The following SFI1 variants were observed in gnomAD, a reference collection of about 807,000 sequenced individuals.
SFI1 encodes the protein protein SFI1 homolog.
SFI1 carries 195 observed loss-of-function variants against 207.5 expected under a neutral mutation model. The observed-to-expected ratio is 0.94, with a 90% CI of 0.84 to 1.06. SFI1 has a LOEUF of 1.06. Ranked by LOEUF, SFI1 falls within the 50% of genes least tolerant of loss-of-function variation. The pLI is 0.00. For synonymous variants in SFI1, 630 were observed against 598.9 expected, an observed-to-expected ratio of 1.05 and a Z score of -0.76; for missense variants, 1,634 against 1,588.0, an observed-to-expected ratio of 1.03 and a Z score of -0.49.
At chr22:31,614,018 T>C in intron 27 of SFI1, 163 bp downstream of exon 27, 1 of 890,360 alleles carries the variant, frequency 1.1e-6, no homozygotes, top group Non-Finnish European at 1.6e-6. Context: ...ATCCCATCCC[T>C]CCCACGGCAA....
chr22:31,571,148 T>C (rs1286154693), intron 8 of SFI1, among the ~76,000 whole-genome samples: 10 of 152,192 alleles, frequency 6.6e-5, no homozygotes, highest in Non-Finnish European at 1.3e-4. Flanking sequence ...GAGAGGGGTG[T>C]TGCTTTGTTT....
intron 9 of SFI1, 134 bp from the exon 10 acceptor site, chr22:31,575,094 GTGT>G: frequency 7.5e-6 from 2 of 265,828 alleles, no homozygotes; most frequent in Non-Finnish European, 1.2e-5. Flanking sequence ...GCGTGTGTGT[GTGT>G]GTGTGTGTGT....
intron 7 of SFI1, chr22:31,559,948 G>C: frequency 1.9e-6 from 1 of 525,690 alleles, no homozygotes; most frequent in Non-Finnish European, 3.5e-6. Flanking sequence ...AAGTCTGCAG[G>C]CCTTGTCTGT....
chr22:31,561,836 A>G (rs986355966), intron 8 of SFI1, among the ~76,000 whole-genome samples: 2 of 152,124 alleles, frequency 1.3e-5, no homozygotes, highest in African/African-American at 4.8e-5. Flanking sequence ...TTTTTTTGTC[A>G]ATCATAAATG....
intron 1 of SFI1, among the ~76,000 whole-genome samples, chr22:31,503,326 G>C (rs1286782879): frequency 2.6e-5 from 4 of 152,122 alleles, no homozygotes; most frequent in Non-Finnish European, 4.4e-5. Flanking sequence ...TGAATACCCT[G>C]TCTGACAGGG....
intron 15 of SFI1, among the ~76,000 whole-genome samples, chr22:31,594,012 GA>G (rs2066648040): frequency 2.6e-5 from 1 of 37,834 alleles, no homozygotes; most frequent in Non-Finnish European, 7.6e-5. Flanking sequence ...GGGACAGGGA[GA>G]GGGAGAGGGA....
intron 2 of SFI1, among the ~76,000 whole-genome samples, chr22:31,517,565 T>G (rs2056701075): frequency 6.6e-6 from 1 of 152,180 alleles, no homozygotes; most frequent in Non-Finnish European, 1.5e-5. Flanking sequence ...TTCTGTATCA[T>G]CTTTAAGAAC....
intron 12 of SFI1, among the ~76,000 whole-genome samples, chr22:31,582,694 A>G (rs191534144): frequency 1.2e-4 from 18 of 152,244 alleles, no homozygotes; most frequent in Non-Finnish European, 2.1e-4. Context: ...TTCATCTTGC[A>G]AAATTGAAAC....
Position 31,615,293 on chromosome 22 carries a change from CA to C in SFI1, c.3300+15del, listed in dbSNP as rs1569470989. On this transcript the variant is annotated intron_variant, in intron 29 of 32. Coordinates refer to ENST00000400288, the MANE Select transcript of SFI1 (RefSeq NM_001007467.3). ...GCACCAGCCAGGGTACGTCCTCCAC[CA>C]CCAGGCCTGGGCACTGGGGCTCTCA... The C allele has an allele frequency of 6.8e-7, 1 of 1,473,556 alleles. No homozygotes were observed. Among genetic ancestry groups the C allele is most frequent in the East Asian group, 2.3e-5 (1 of 42,556 alleles). The allele number at this position is 1,473,556 out of a possible 1,614,324, so 91.3% of individuals were successfully genotyped here.
At chr22:31,571,775 C>T (rs1050321785) in intron 8 of SFI1, among the ~76,000 whole-genome samples, 2 of 151,988 alleles carry the variant, frequency 1.3e-5, no homozygotes, top group Non-Finnish European at 2.9e-5. Flanking sequence ...TTATTATATT[C>T]CAAGAAATTT....
At chr22:31,503,779 G>A (rs561244795) in intron 1 of SFI1, among the ~76,000 whole-genome samples, 1 of 150,180 alleles carries the variant, frequency 6.7e-6, no homozygotes, top group South Asian at 2.1e-4. Context: ...AGTAGAGACA[G>A]GGTTTCACCA....
At chr22:31,526,143 T>C (rs554635063) in intron 2 of SFI1, among the ~76,000 whole-genome samples, 7 of 152,324 alleles carry the variant, frequency 4.6e-5, no homozygotes, top group Admixed American at 2.0e-4. Context: ...GATAATCTTA[T>C]AGAAGCAAAG....
chr22:31,561,201 T>A (rs1332401038), intron 7 of SFI1, 89 bp from the exon 8 acceptor site: 2 of 1,045,556 alleles, frequency 1.9e-6, no homozygotes, highest in African/African-American at 3.1e-5. Context: ...GGACTAGAGC[T>A]GAGGGTCTGA....
intron 15 of SFI1, among the ~76,000 whole-genome samples, chr22:31,590,771 G>A (rs2065752725): frequency 6.7e-6 from 1 of 150,242 alleles, no homozygotes; most frequent in African/African-American, 2.4e-5. Context: ...CCAAAGTGCT[G>A]GGATTACAGG....
At position 31,615,290 on chromosome 22, in the gene SFI1, C is replaced by T. The variant is rs1381803662; in HGVS notation, c.3300+11C>T. ...GCTGCACCAGCCAGGGTACGTCCTC[C>T]ACCACCAGGCCTGGGCACTGGGGCT... On this transcript the variant is annotated intron_variant, in intron 29 of 32. Transcript: ENST00000400288. 6.8e-6 allele frequency: 10 copies of T among 1,476,446 alleles called. No individual in the cohort carries two copies. Among genetic ancestry groups the T allele is most frequent in the Middle Eastern group, 2.0e-4 (1 of 5,124 alleles). 91.5% of individuals were successfully genotyped at this position (1,476,446 alleles called of 1,614,324 possible). A position where few individuals can be genotyped will look rare whatever the true frequency, so the allele number is the denominator to read the frequency against.
At chr22:31,570,871 C>T (rs1205063691) in intron 8 of SFI1, among the ~76,000 whole-genome samples, 1 of 152,152 alleles carries the variant, frequency 6.6e-6, no homozygotes, top group Non-Finnish European at 1.5e-5. Flanking sequence ...GGACACATCC[C>T]GAAAGCCAGG....
At chr22:31,510,990 T>C (rs1385629690) in intron 2 of SFI1, among the ~76,000 whole-genome samples, 1 of 152,158 alleles carries the variant, frequency 6.6e-6, no homozygotes, top group Non-Finnish European at 1.5e-5. Flanking sequence ...GCTCTTTTTT[T>C]TCTTAAACTA....
chr22:31,585,364 G>A (rs1056194197), intron 14 of SFI1, among the ~76,000 whole-genome samples: 1 of 152,158 alleles, frequency 6.6e-6, no homozygotes, highest in African/African-American at 2.4e-5. Flanking sequence ...CTCTCTGAAA[G>A]TACTGAGCTC....
At chr22:31,555,221 C>T (rs923212836) in intron 6 of SFI1, among the ~76,000 whole-genome samples, 15 of 152,070 alleles carry the variant, frequency 9.9e-5, no homozygotes, top group Admixed American at 2.6e-4. Context: ...TAGGCGGTGG[C>T]TCACGCCTAT....
Sources: allele counts gnomAD v4.1 joint callset (sites outside exome capture counted in the v4.1 genomes callset), GRCh38; gene constraint gnomAD v4.1.1; transcripts MANE v1.5; gene names NCBI Gene and HGNC (gene_info 2026-07-23, HGNC 2026-07-21).